The following SBNO1 variants were observed in gnomAD, a reference collection of about 807,000 sequenced individuals.
SBNO1 encodes strawberry notch homolog 1.
SBNO1 carries 23 observed loss-of-function variants against 173.6 expected under a neutral mutation model. The ratio of observed to expected loss-of-function variants is 0.13; its 90% CI spans 0.10 to 0.19. SBNO1 has a LOEUF of 0.19. Among genes scored for constraint, SBNO1 ranks in the 10% least tolerant of loss-of-function variants. The pLI is 1.00. For missense variants in SBNO1, 1,238 were observed against 1,671.2 expected, an observed-to-expected ratio of 0.74 and a Z score of 4.52; for synonymous variants, 632 against 571.5, an observed-to-expected ratio of 1.11 and a Z score of -1.51.
At chr12:123,303,373 C>T (rs1484000175) in intron 29 of SBNO1, among the ~76,000 whole-genome samples, 2 of 152,048 alleles carry the variant, frequency 1.3e-5, no homozygotes, top group African/African-American at 4.8e-5. Flanking sequence ...AGGCTGGGCA[C>T]GGTGGCTCAT....
rs770677735 is a variant in SBNO1 at position 123,341,048 on chromosome 12, A to G, written c.591T>C (p.Asn197=). 1 of 1,603,574 alleles carries G rather than the reference A, an allele frequency of 6.2e-7. No individual in the cohort carries two copies. Residue 197 remains asparagine (N), a synonymous_variant, in exon 5 of 32, where the codon AAT becomes AAC. Transcript: ENST00000602398. ...SNGTVKKESS[N]KEGARMWIND... is the part of the protein sequence containing the mutation. ...TTATCCACATTCTAGCTCCTTCTTTATTAGAAGACTCTTTCTTTACTGTAC... is the reference window on the plus strand; with the variant it reads ...TTATCCACATTCTAGCTCCTTCTTTGTTAGAAGACTCTTTCTTTACTGTAC...
chr12:123,328,971 A>AC (rs1870880287), intron 9 of SBNO1, 76 bp from the exon 10 acceptor site: 1 of 832,220 alleles, frequency 1.2e-6, no homozygotes, highest in East Asian at 2.8e-5. Flanking sequence ...CTAAACATTC[A>AC]CAAGCAGGAA....
intron 15 of SBNO1, 59 bp from the exon 16 acceptor site, chr12:123,323,890 G>C (rs555196891): frequency 2.2e-5 from 27 of 1,253,230 alleles, no homozygotes; most frequent in Non-Finnish European, 2.9e-5. Context: ...TATATGTAAA[G>C]TATTATTAAA....
chr12:123,307,020 T>A (rs1457832479), intron 28 of SBNO1, among the ~76,000 whole-genome samples: 13 of 64,430 alleles, frequency 2.0e-4, no homozygotes, highest in African/African-American at 1.8e-4. Context: ...TCAACTGCAT[T>A]AAAAAAAAAA....
At chr12:123,359,212 A>C (rs61955084) in intron 1 of SBNO1, among the ~76,000 whole-genome samples, 150,736 of 150,742 alleles carry the variant, frequency 1, 75,365 homozygotes, top group Non-Finnish European at 1. Flanking sequence ...GGATTACAGG[A>C]GTGAGCCACC....
chr12:123,318,463 T>C (rs1470676861), intron 20 of SBNO1, among the ~76,000 whole-genome samples: 2 of 151,870 alleles, frequency 1.3e-5, no homozygotes, highest in Non-Finnish European at 2.9e-5. Flanking sequence ...GCCAGCACAG[T>C]AGCTCACGCC....
chr12:123,320,123 G>C, intron 19 of SBNO1, 92 bp from the exon 20 acceptor site: 1 of 1,413,060 alleles, frequency 7.1e-7, no homozygotes, highest in East Asian at 2.3e-5. Context: ...TGGGAGATAA[G>C]AGCACAGGCT....
chr12:123,310,796 G>A (rs1868394185), intron 25 of SBNO1, among the ~76,000 whole-genome samples: 2 of 151,960 alleles, frequency 1.3e-5, no homozygotes, highest in Non-Finnish European at 2.9e-5. Context: ...GCCTCCCAAG[G>A]TGCTGGGATT....
At chr12:123,317,569 T>C (rs552620434) in intron 20 of SBNO1, among the ~76,000 whole-genome samples, 1 of 152,304 alleles carries the variant, frequency 6.6e-6, no homozygotes, top group East Asian at 1.9e-4. Context: ...GGAAATGTCC[T>C]TAAAAGTAGG....
At chr12:123,316,101 A>G (rs1176635739) in intron 21 of SBNO1, among the ~76,000 whole-genome samples, 1 of 152,160 alleles carries the variant, frequency 6.6e-6, no homozygotes, top group Admixed American at 6.6e-5. Flanking sequence ...CACCACATAT[A>G]TATTTTTTAC....
At chr12:123,327,853 T>A (rs1870772300) in intron 11 of SBNO1, 39 bp downstream of exon 11, 1 of 1,590,042 alleles carries the variant, frequency 6.3e-7, no homozygotes, top group Admixed American at 1.7e-5. Context: ...GTTGAAAAAA[T>A]AACCTACAAT....
At chr12:123,351,487 T>A (rs1475754665) in intron 1 of SBNO1, among the ~76,000 whole-genome samples, 2 of 152,008 alleles carry the variant, frequency 1.3e-5, no homozygotes, top group South Asian at 2.1e-4. Flanking sequence ...ATTAGCCAAG[T>A]GTGGTGGTGC....
chr12:123,296,401 A>G (rs1278256374), intron 31 of SBNO1, among the ~76,000 whole-genome samples: 1 of 124,040 alleles, frequency 8.1e-6, no homozygotes, highest in African/African-American at 3.0e-5. Context: ...AGAAGTTGCA[A>G]ATTCAAATGC....
Position 123,309,168 on chromosome 12 carries a change from A to C in SBNO1, c.3630+142T>G, listed in dbSNP as rs1215883884. ...AGTAAAAACATAACACAAATGGACA[A>C]ACACACAATTACAATGATAAATTAC... On this transcript the variant is annotated intron_variant, in intron 28 of 31. Coordinates refer to ENST00000602398, the MANE Select transcript of SBNO1 (RefSeq NM_001167856.3). 12 of 649,564 alleles carry C rather than the reference A, an allele frequency of 1.8e-5. No individual in the cohort carries two copies. In the Admixed American group the frequency reaches 2.8e-4, roughly 15 times the overall value. The allele number at this position is 649,564 out of a possible 1,614,324, so 40.2% of individuals were successfully genotyped here. A position where few individuals can be genotyped will look rare whatever the true frequency, so the allele number is the denominator to read the frequency against.
intron 4 of SBNO1, among the ~76,000 whole-genome samples, chr12:123,342,093 AAT>A (rs1239840002): frequency 6.6e-6 from 1 of 151,758 alleles, no homozygotes; most frequent in Non-Finnish European, 1.5e-5. Context: ...CTCTACTAAA[AAT>A]ACAAAATTAG....
At chr12:123,330,352 T>C in intron 9 of SBNO1, 67 bp downstream of exon 9, 1 of 943,628 alleles carries the variant, frequency 1.1e-6, no homozygotes, top group East Asian at 2.4e-5. Flanking sequence ...ACATAGCTAT[T>C]ATTATTGTCA....
At chr12:123,323,950 T>A in intron 15 of SBNO1, 119 bp from the exon 16 acceptor site, 1 of 733,160 alleles carries the variant, frequency 1.4e-6, no homozygotes. Flanking sequence ...ATAAACGAGC[T>A]CAAATAAATT....
intron 1 of SBNO1, chr12:123,364,019 C>T (rs541794582): frequency 4.1e-4 from 408 of 985,478 alleles, no homozygotes; most frequent in South Asian, 9.9e-4. Flanking sequence ...TAAGCAAATC[C>T]CCAACTGCCG....
intron 1 of SBNO1, among the ~76,000 whole-genome samples, chr12:123,358,742 C>CAAAAAAAA (rs1164585887): frequency 5.1e-5 from 4 of 78,398 alleles, no homozygotes; most frequent in East Asian, 4.4e-4. Flanking sequence ...GACTCCGTCT[C>CAAAAAAAA]AAAAAAAAAA....
Sources: allele counts gnomAD v4.1 joint callset (sites outside exome capture counted in the v4.1 genomes callset), GRCh38; gene constraint gnomAD v4.1.1; transcripts MANE v1.5; gene names NCBI Gene and HGNC (gene_info 2026-07-23, HGNC 2026-07-21).